Variants in FMN2 observed in about 807,000 individuals in gnomAD.
The protein encoded by FMN2 is formin 2.
A neutral mutation model predicts 142.3 loss-of-function variants in FMN2; 51 were observed. The observed-to-expected ratio is 0.36, with a 90% CI of 0.29 to 0.45. FMN2 has a LOEUF of 0.45. Among genes scored for constraint, FMN2 ranks in the 20% least tolerant of loss-of-function variants. The pLI is 1.00. For synonymous variants in FMN2, 882 were observed against 869.8 expected (o/e 1.01, Z -0.25); for missense variants, 1,936 against 2,122.8 (o/e 0.91, Z 1.73).
At chr1:240,142,719 G>T in intron 2 of FMN2, 1 of 1,611,038 alleles carries the variant, frequency 6.2e-7, no homozygotes, top group Admixed American at 1.7e-5. Context: ...TTCCAGAATG[G>T]GGGTAACAGG....
intron 2 of FMN2, among the ~76,000 whole-genome samples, chr1:240,169,209 A>T (rs549490652): frequency 1.3e-5 from 2 of 152,268 alleles, no homozygotes; most frequent in South Asian, 4.1e-4. Flanking sequence ...AGTTCTTTAG[A>T]CAGAGCTGTG....
chr1:240,361,181 A>G (rs1424264618), intron 14 of FMN2, among the ~76,000 whole-genome samples: 4 of 107,234 alleles, frequency 3.7e-5, no homozygotes, highest in Non-Finnish European at 8.4e-5. Flanking sequence ...ATATATATAT[A>G]TATAAAAGAG....
At chr1:240,161,233 A>G (rs2103292639) in intron 2 of FMN2, among the ~76,000 whole-genome samples, 1 of 152,242 alleles carries the variant, frequency 6.6e-6, no homozygotes, top group South Asian at 2.1e-4. Context: ...AACTACCCCT[A>G]AACTTTATGT....
At chr1:240,280,614 G>A (rs1056530004) in intron 7 of FMN2, among the ~76,000 whole-genome samples, 2 of 152,130 alleles carry the variant, frequency 1.3e-5, no homozygotes, top group African/African-American at 4.8e-5. Flanking sequence ...GGTGAAATCT[G>A]TTATGCCCAA....
chr1:240,447,550 C>G (rs765498457), intron 16 of FMN2, among the ~76,000 whole-genome samples: 22 of 152,304 alleles, frequency 1.4e-4, no homozygotes, highest in South Asian at 1.2e-3. Context: ...ACAAGTGTTG[C>G]AGATGATGAG....
At chr1:240,241,825 C>CTTCTTTTTTT (rs1667908718) in intron 6 of FMN2, among the ~76,000 whole-genome samples, 3 of 96,200 alleles carry the variant, frequency 3.1e-5, no homozygotes, top group Non-Finnish European at 6.4e-5. Context: ...GTGTGCCTTG[C>CTTCTTTTTTT]TTTTTTTTTT....
In FMN2 at chr1:240,092,756, A is replaced by G; in HGVS notation, c.647A>G (p.Gln216Arg). The change falls in exon 1 of 18, where the codon CAG becomes CGG. Residue 216 changes from glutamine (Q) to arginine (R), a missense_variant. Gln to Arg is a conservative substitution (Grantham distance 43, BLOSUM62 1). Coordinates refer to ENST00000319653, the MANE Select transcript of FMN2 (RefSeq NM_020066.5). ...QQQQQQQLQL[Q>R]LQQQQQQQQL... ...CAGCAGCAGCAGCAGCTCCAGCTCC[A>G]GCTCCAGCAACAGCAGCAGCAGCAG... is the stretch of plus-strand genomic sequence containing the variant. The G allele has an allele frequency of 1.1e-5, 18 of 1,611,986 alleles. No individual in the cohort carries two copies. Among genetic ancestry groups the G allele is most frequent in the Non-Finnish European group, 1.4e-5 (17 of 1,179,374 alleles).
At chr1:240,414,964 A>G (rs1002176801) in intron 15 of FMN2, among the ~76,000 whole-genome samples, 2 of 152,224 alleles carry the variant, frequency 1.3e-5, no homozygotes, top group African/African-American at 4.8e-5. Context: ...ATTGCATTTG[A>G]GAATAAATGT....
chr1:240,351,144 C>G (rs918579029), intron 13 of FMN2, among the ~76,000 whole-genome samples: 11 of 152,152 alleles, frequency 7.2e-5, no homozygotes, highest in Non-Finnish European at 1.6e-4. Flanking sequence ...CAGTGGTGGA[C>G]TTTTAAAAAC....
chr1:240,160,154 G>C (rs2103290830), intron 2 of FMN2, among the ~76,000 whole-genome samples: 1 of 150,768 alleles, frequency 6.6e-6, no homozygotes, highest in East Asian at 1.9e-4. Context: ...ACCAGTCTTA[G>C]TATAAACTCT....
rs370109957 is a variant in FMN2 at position 240,342,970 on chromosome 1, G to GA, written c.4765+8751dup. 3.5e-3 allele frequency among the ~76,000 whole-genome samples: 519 copies of GA among 148,158 alleles called. 2 individuals carry two copies. The highest frequency in any genetic ancestry group is 0.012 in the African/African-American group (470 of 40,568). ...AAGATCTGTAAAATTCTCCCAAGAG[G>GA]AAAAAAAAAATAGTATTTCAAGCAT... On this transcript the variant is annotated intron_variant, in intron 13 of 17. Transcript: ENST00000319653.
chr1:240,117,519 T>A (rs1248977384), intron 1 of FMN2, among the ~76,000 whole-genome samples: 1 of 152,058 alleles, frequency 6.6e-6, no homozygotes, highest in Non-Finnish European at 1.5e-5. Context: ...AGCTGAAGTG[T>A]TTGAAGTATG....
At chr1:240,324,415 C>T (rs757387848) in intron 8 of FMN2, among the ~76,000 whole-genome samples, 19 of 152,062 alleles carry the variant, frequency 1.2e-4, no homozygotes, top group East Asian at 5.8e-4. Flanking sequence ...CCCAGCACTT[C>T]GGGAGCTCCA....
chr1:240,188,947 C>CG (rs1665591427), intron 4 of FMN2, among the ~76,000 whole-genome samples: 1 of 152,042 alleles, frequency 6.6e-6, no homozygotes, highest in Non-Finnish European at 1.5e-5. Context: ...CATTAGATCT[C>CG]GTGAGACCCA....
intron 13 of FMN2, among the ~76,000 whole-genome samples, chr1:240,354,042 A>C (rs1414989686): frequency 1.3e-5 from 2 of 152,172 alleles, no homozygotes; most frequent in African/African-American, 4.8e-5. Context: ...CGAGTGCTAC[A>C]AATCATGGTG....
chr1:240,369,043 A>T (rs1672776671), intron 14 of FMN2, among the ~76,000 whole-genome samples: 1 of 151,936 alleles, frequency 6.6e-6, no homozygotes, highest in African/African-American at 2.4e-5. Flanking sequence ...CCGTGTGTGC[A>T]CGCGCACGCA....
At chr1:240,455,975 A>AAAT (rs140323437) in intron 16 of FMN2, among the ~76,000 whole-genome samples, 2,810 of 148,980 alleles carry the variant, frequency 0.019, 38 homozygotes, top group Middle Eastern at 0.043. Flanking sequence ...ACTGTCTCAA[A>AAAT]AATAATAATA....
intron 2 of FMN2, among the ~76,000 whole-genome samples, chr1:240,151,286 A>G (rs10926145): frequency 0.088 from 13,437 of 152,212 alleles, 751 homozygotes; most frequent in African/African-American, 0.16. Flanking sequence ...AAGCACCAAC[A>G]AGTCACCCTA....
intron 2 of FMN2, among the ~76,000 whole-genome samples, chr1:240,132,097 T>C (rs1662765528): frequency 6.6e-6 from 1 of 152,308 alleles, no homozygotes; most frequent in South Asian, 2.1e-4. Flanking sequence ...GTGGAGTAGA[T>C]GATTTCTTTG....
Sources: allele counts gnomAD v4.1 joint callset (sites outside exome capture counted in the v4.1 genomes callset), GRCh38; gene constraint gnomAD v4.1.1; transcripts MANE v1.5; gene names NCBI Gene and HGNC (gene_info 2026-07-23, HGNC 2026-07-21).